The following GULP1 variants were observed in gnomAD, a reference collection of about 807,000 sequenced individuals.
The protein encoded by GULP1 is GULP PTB domain containing engulfment adaptor 1, also known as PTB domain-containing engulfment adapter protein 1.
Under a neutral mutation model 40.9 loss-of-function variants are expected in GULP1, and 19 were observed. The ratio of observed to expected loss-of-function variants is 0.46; its 90% CI spans 0.32 to 0.68. The LOEUF (loss-of-function observed/expected upper bound fraction) is 0.68. Among genes scored for constraint, GULP1 ranks in the 30% least tolerant of loss-of-function variants. The probability of loss-of-function intolerance (pLI) is 0.03; values close to 1 mark genes in which losing one functional copy is unlikely to be tolerated. For synonymous variants in GULP1, 119 were observed against 117.6 expected (o/e 1.01, Z -0.08); for missense variants, 312 against 362.2 (o/e 0.86, Z 1.12).
chr2:188,410,093 G>A (rs180903298), intron 2 of GULP1, among the ~76,000 whole-genome samples: 1 of 152,224 alleles, frequency 6.6e-6, no homozygotes, highest in Admixed American at 6.5e-5. Context: ...ACACAGTGGA[G>A]AAAGGACAGT....
At chr2:188,355,984 T>A (rs916180086) in intron 1 of GULP1, among the ~76,000 whole-genome samples, 1 of 152,008 alleles carries the variant, frequency 6.6e-6, no homozygotes, top group Non-Finnish European at 1.5e-5. Context: ...ATTCAACACA[T>A]CTGTTCATAA....
intron 1 of GULP1, among the ~76,000 whole-genome samples, chr2:188,357,379 T>C (rs763659312): frequency 6.6e-6 from 1 of 152,134 alleles, no homozygotes; most frequent in African/African-American, 2.4e-5. Context: ...CTTTTTAAAA[T>C]GGGCAAATGA....
At chr2:188,496,233 G>A (rs1468628815) in intron 4 of GULP1, among the ~76,000 whole-genome samples, 1 of 152,014 alleles carries the variant, frequency 6.6e-6, no homozygotes, top group Non-Finnish European at 1.5e-5. Flanking sequence ...GCTTTTAGTT[G>A]ATCCCTAGCT....
intron 1 of GULP1, among the ~76,000 whole-genome samples, chr2:188,319,358 G>T (rs1410169529): frequency 6.6e-6 from 1 of 152,090 alleles, no homozygotes; most frequent in Admixed American, 6.6e-5. Context: ...AGTTTAGTAT[G>T]CATTATTCCA....
At chr2:188,500,571 A>G (rs748707735) in intron 4 of GULP1, among the ~76,000 whole-genome samples, 2 of 152,048 alleles carry the variant, frequency 1.3e-5, no homozygotes, top group Admixed American at 1.3e-4. Context: ...TCTTTTGGGA[A>G]CAAGGGTCTT....
chr2:188,522,522 TTTAGA>T (rs1469572238), intron 4 of GULP1, among the ~76,000 whole-genome samples: 1,603 of 152,104 alleles, frequency 0.011, 24 homozygotes, highest in African/African-American at 0.036. Flanking sequence ...AAGTAAAATA[TTTAGA>T]AAACAAGTAT....
intron 7 of GULP1, among the ~76,000 whole-genome samples, chr2:188,553,053 A>G (rs1024877979): frequency 6.6e-6 from 1 of 151,856 alleles, no homozygotes; most frequent in Admixed American, 6.6e-5. Context: ...CCTCCATCTT[A>G]CTAAATTCAT....
Position 188,580,539 on chromosome 2 carries a change from C to T in GULP1, c.610-3726C>T, listed in dbSNP as rs1436256510. Among the ~76,000 whole-genome samples the T allele has an allele frequency of 7.3e-5, 8 of 110,336 alleles. No individual in the cohort carries two copies. In the East Asian group the frequency reaches 2.1e-3, roughly 30 times the overall value. The allele number at this position is 110,336 out of a possible 152,430, so 72.4% of individuals were successfully genotyped here. A position where few individuals can be genotyped will look rare whatever the true frequency, so the allele number is the denominator to read the frequency against. ...CTGCACTCCAGCCTGGGCGACAGAG[C>T]GAGACTCCGTCTCAAAAAAAAAAAA... is the stretch of plus-strand genomic sequence containing the variant. On this transcript the variant is annotated intron_variant, in intron 9 of 11. Transcript: ENST00000409830.
At chr2:188,460,949 A>G (rs939443401) in intron 2 of GULP1, among the ~76,000 whole-genome samples, 14 of 152,196 alleles carry the variant, frequency 9.2e-5, no homozygotes, top group African/African-American at 3.4e-4. Context: ...ATTTATTTGC[A>G]TATGTTAAAC....
intron 1 of GULP1, among the ~76,000 whole-genome samples, chr2:188,294,710 G>C (rs201912756): frequency 6.6e-6 from 1 of 152,084 alleles, no homozygotes; most frequent in East Asian, 1.9e-4. Flanking sequence ...TCAGCCAAAT[G>C]TTTTCCCTGA....
At chr2:188,490,169 T>C (rs947038486) in intron 4 of GULP1, among the ~76,000 whole-genome samples, 1 of 152,150 alleles carries the variant, frequency 6.6e-6, no homozygotes, top group Non-Finnish European at 1.5e-5. Context: ...TGAAAAGGAC[T>C]TTAGTATTCA....
rs150134800 is a variant in GULP1, at chr2:188,422,906, A to G, written c.-45+39017A>G. 2.8e-4 allele frequency among the ~76,000 whole-genome samples: 43 copies of G among 152,218 alleles called. No individual in the cohort carries two copies. The East Asian group carries it at 6.4e-3, about 23-fold the overall frequency. On this transcript the variant is annotated intron_variant, in intron 2 of 11. Transcript: ENST00000409830. ...AGAGGCACCCTCCTTGTACAGCACT[A>G]TTTAATTCTCTGCTCTTTCGGTTTC... is the stretch of plus-strand genomic sequence containing the variant.
At chr2:188,584,867 A>T (rs1476962266) in intron 10 of GULP1, among the ~76,000 whole-genome samples, 4 of 152,080 alleles carry the variant, frequency 2.6e-5, no homozygotes, top group Non-Finnish European at 5.9e-5. Flanking sequence ...GTTCTTTCCT[A>T]TCTAAAATGC....
At chr2:188,404,617 G>T (rs1009818871) in intron 2 of GULP1, among the ~76,000 whole-genome samples, 3 of 152,166 alleles carry the variant, frequency 2.0e-5, no homozygotes, top group Admixed American at 6.5e-5. Flanking sequence ...TCAGCCTCAG[G>T]CTTCAAGCTT....
At chr2:188,456,541 T>G (rs2059282880) in intron 2 of GULP1, among the ~76,000 whole-genome samples, 1 of 152,212 alleles carries the variant, frequency 6.6e-6, no homozygotes, top group Non-Finnish European at 1.5e-5. Context: ...TTTGGGAATC[T>G]CTGCCTAGAT....
intron 1 of GULP1, among the ~76,000 whole-genome samples, chr2:188,337,740 T>G (rs2042459857): frequency 6.6e-6 from 1 of 152,088 alleles, no homozygotes; most frequent in Non-Finnish European, 1.5e-5. Flanking sequence ...AGTCTATTCC[T>G]GACTGCACAG....
At chr2:188,522,004 A>T (rs1252994606) in intron 4 of GULP1, among the ~76,000 whole-genome samples, 1 of 152,106 alleles carries the variant, frequency 6.6e-6, no homozygotes, top group East Asian at 1.9e-4. Flanking sequence ...TGAACCCGGG[A>T]GGCAGAGCTT....
intron 4 of GULP1, among the ~76,000 whole-genome samples, chr2:188,496,995 C>G (rs890161476): frequency 6.6e-6 from 1 of 151,960 alleles, no homozygotes; most frequent in Non-Finnish European, 1.5e-5. Flanking sequence ...GCCATGCTTC[C>G]TGTACAGCCT....
chr2:188,364,875 C>CACACACACACACACGTATATACACAAAT (rs2046570228), intron 1 of GULP1, among the ~76,000 whole-genome samples: 1 of 102,762 alleles, frequency 9.7e-6, no homozygotes, highest in Non-Finnish European at 2.2e-5. Context: ...CACACATATA[C>CACACACACACACACGTATATACACAAAT]ACACACACAC....
Sources: allele counts gnomAD v4.1 joint callset (sites outside exome capture counted in the v4.1 genomes callset), GRCh38; gene constraint gnomAD v4.1.1; transcripts MANE v1.5; gene names NCBI Gene and HGNC (gene_info 2026-07-23, HGNC 2026-07-21).